Variants in SRGAP3 observed in about 807,000 individuals in gnomAD.
SRGAP3 encodes the protein SLIT-ROBO Rho GTPase-activating protein 3.
A neutral mutation model predicts 121.1 loss-of-function variants in SRGAP3; 39 were observed. The observed-to-expected ratio is 0.32, with a 90% CI of 0.25 to 0.42. The LOEUF (loss-of-function observed/expected upper bound fraction) is 0.42, where lower values mean the gene tolerates loss of function less well. SRGAP3 is among the 10% of genes least tolerant of loss of function. The pLI is 1.00. For missense variants in SRGAP3, 1,213 were observed against 1,470.6 expected, an observed-to-expected ratio of 0.82 and a Z score of 2.86; for synonymous variants, 601 against 570.0, an observed-to-expected ratio of 1.05 and a Z score of -0.77.
chr3:9,012,604 G>C (rs759260070), intron 17 of SRGAP3, among the ~76,000 whole-genome samples: 20 of 152,182 alleles, frequency 1.3e-4, no homozygotes, highest in Non-Finnish European at 2.8e-4. Flanking sequence ...CAAAGAAACT[G>C]AGCTCACTTT....
At chr3:9,209,171 G>T (rs1486099887) in intron 1 of SRGAP3, among the ~76,000 whole-genome samples, 5 of 152,170 alleles carry the variant, frequency 3.3e-5, no homozygotes, top group Non-Finnish European at 7.3e-5. Context: ...AAGTGATACT[G>T]TAAAATGTTC....
chr3:9,071,088 G>C (rs1946686875), intron 4 of SRGAP3, among the ~76,000 whole-genome samples: 1 of 152,132 alleles, frequency 6.6e-6, no homozygotes, highest in Non-Finnish European at 1.5e-5. Flanking sequence ...CAGGGGAGCA[G>C]GAGGCAAACA....
chr3:9,236,487 TC>T (rs1015704013), intron 1 of SRGAP3, among the ~76,000 whole-genome samples: 16 of 152,166 alleles, frequency 1.1e-4, no homozygotes, highest in African/African-American at 3.4e-4. Flanking sequence ...GATGGATCCT[TC>T]ATGAATGGTT....
chr3:9,286,578 CTTTA>C (rs1394784357), intron 3 of SRGAP3, among the ~76,000 whole-genome samples: 4 of 152,084 alleles, frequency 2.6e-5, no homozygotes, highest in Admixed American at 1.3e-4. Context: ...ACTTTAGTCA[CTTTA>C]TTTATTTTGT....
chr3:9,271,141 T>C (rs1377509269), intron 3 of SRGAP3, among the ~76,000 whole-genome samples: 5 of 152,120 alleles, frequency 3.3e-5, no homozygotes, highest in South Asian at 4.2e-4. Flanking sequence ...CAAGACAGCC[T>C]GGAAAACATG....
intron 1 of SRGAP3, among the ~76,000 whole-genome samples, chr3:9,234,669 T>C (rs1370961293): frequency 6.6e-6 from 1 of 152,144 alleles, no homozygotes; most frequent in Non-Finnish European, 1.5e-5. Context: ...CTACATTAAC[T>C]GTATTTTGAA....
chr3:9,095,392 C>G (rs1029853477), intron 3 of SRGAP3, among the ~76,000 whole-genome samples: 1 of 152,108 alleles, frequency 6.6e-6, no homozygotes, highest in African/African-American at 2.4e-5. Flanking sequence ...TCTACATTGT[C>G]TTTCCAAAGT....
chr3:9,025,110 C>T, intron 14 of SRGAP3, 151 bp downstream of exon 14: 1 of 789,958 alleles, frequency 1.3e-6, no homozygotes, highest in Admixed American at 1.9e-5. Flanking sequence ...AGGACAAAGG[C>T]ACTGCATGTG....
intron 3 of SRGAP3, among the ~76,000 whole-genome samples, chr3:9,083,954 G>A (rs1947347046): frequency 6.6e-6 from 1 of 152,142 alleles, no homozygotes; most frequent in African/African-American, 2.4e-5. Context: ...CTGCAAAACA[G>A]TATGGTCTAG....
At chr3:9,074,206 G>C (rs1009061083) in intron 4 of SRGAP3, among the ~76,000 whole-genome samples, 2 of 152,146 alleles carry the variant, frequency 1.3e-5, no homozygotes, top group Non-Finnish European at 2.9e-5. Flanking sequence ...TGGAGATGGG[G>C]AATGGAGAAG....
At chr3:9,073,613 G>A (rs958435847) in intron 4 of SRGAP3, among the ~76,000 whole-genome samples, 10 of 152,152 alleles carry the variant, frequency 6.6e-5, no homozygotes, top group East Asian at 1.9e-4. Context: ...TCCCTAAGAC[G>A]GGCGTGGTCA....
intron 2 of SRGAP3, 103 bp downstream of exon 2, chr3:9,124,622 T>C (rs998202170): frequency 1.1e-5 from 16 of 1,477,126 alleles, no homozygotes; most frequent in Non-Finnish European, 1.3e-5. Context: ...GCACACCCTC[T>C]GCCTCCAATG....
Position 9,037,773 on chromosome 3 carries a change from A to G in SRGAP3, c.1436+290T>C, listed in dbSNP as rs1944824744. On this transcript the variant is annotated intron_variant, in intron 11 of 21. Transcript: ENST00000383836. ...CTGCCCTCAGCCACTCTGAGTAGACAATACTGTCTCACCCGATGGCCAGCG... is the reference window on the plus strand; with the variant it reads ...CTGCCCTCAGCCACTCTGAGTAGACGATACTGTCTCACCCGATGGCCAGCG... 5.7e-6 allele frequency: 3 copies of G among 525,766 alleles called. No individual in the cohort carries two copies. The Admixed American group carries it at 9.6e-5, about 17-fold the overall frequency. 32.6% of individuals were successfully genotyped at this position (525,766 alleles called of 1,614,324 possible). A position where few individuals can be genotyped will look rare whatever the true frequency, so the allele number is the denominator to read the frequency against.
intron 18 of SRGAP3, among the ~76,000 whole-genome samples, chr3:9,005,724 G>A (rs1943030207): frequency 6.6e-6 from 1 of 152,160 alleles, no homozygotes; most frequent in South Asian, 2.1e-4. Flanking sequence ...GAGACAGTGG[G>A]TAGACTTACA....
At chr3:9,308,706 T>A (rs933409085) in intron 3 of SRGAP3, among the ~76,000 whole-genome samples, 4 of 152,122 alleles carry the variant, frequency 2.6e-5, no homozygotes, top group African/African-American at 7.2e-5. Flanking sequence ...AGTATTTCTA[T>A]AAAAGGAAGC....
At chr3:9,254,987 A>C (rs1490122466) in intron 3 of SRGAP3, among the ~76,000 whole-genome samples, 1 of 146,894 alleles carries the variant, frequency 6.8e-6, no homozygotes, top group African/African-American at 2.5e-5. Flanking sequence ...GAAAAAGAAA[A>C]AGAAAGAAAG....
intron 3 of SRGAP3, among the ~76,000 whole-genome samples, chr3:9,261,414 G>A (rs924647370): frequency 1.3e-5 from 2 of 151,952 alleles, no homozygotes; most frequent in African/African-American, 2.4e-5. Flanking sequence ...AGCTAAAGAA[G>A]CATGTTCTAA....
At chr3:9,104,951 G>A in intron 2 of SRGAP3, 109 bp from the exon 3 acceptor site, 1 of 1,349,196 alleles carries the variant, frequency 7.4e-7, no homozygotes, top group Non-Finnish European at 1.0e-6. Flanking sequence ...CCCCTTCAAG[G>A]TCAGTCTTGT....
At chr3:8,991,639 G>C (rs748509457) in intron 20 of SRGAP3, among the ~76,000 whole-genome samples, 1 of 152,156 alleles carries the variant, frequency 6.6e-6, no homozygotes, top group Non-Finnish European at 1.5e-5. Flanking sequence ...GCTTCAAGTG[G>C]GTTTGAAAGC....
Sources: allele counts gnomAD v4.1 joint callset (sites outside exome capture counted in the v4.1 genomes callset), GRCh38; gene constraint gnomAD v4.1.1; transcripts MANE v1.5; gene names NCBI Gene and HGNC (gene_info 2026-07-23, HGNC 2026-07-21).